Variants in NDC80 observed in about 807,000 individuals in gnomAD.
The protein encoded by NDC80 is NDC80 kinetochore complex component.
Under a neutral mutation model 89.3 loss-of-function variants are expected in NDC80, and 69 were observed. The ratio of observed to expected loss-of-function variants is 0.77; its 90% CI spans 0.64 to 0.94. NDC80 has a LOEUF of 0.94. NDC80 is among the 40% of genes least tolerant of loss of function. The pLI is 0.00. For missense variants in NDC80, 593 were observed against 739.6 expected (o/e 0.80, Z 2.30); for synonymous variants, 243 against 255.6 (o/e 0.95, Z 0.47).
At position 2,578,142 on chromosome 18, in the gene NDC80, G is replaced by T; in HGVS notation, c.476+1G>T. Reference sequence around the variant, plus strand: ...TTCCAAGAATCTTTAAAGACCTTGGGTATGTATATTTCTTATTAGTTTAGA... The same window carrying T: ...TTCCAAGAATCTTTAAAGACCTTGGTTATGTATATTTCTTATTAGTTTAGA... On this transcript the variant is annotated splice_donor_variant, in intron 5 of 16. Transcript: ENST00000261597. LOFTEE classifies it high-confidence loss of function. 1 of 1,612,314 alleles carries T rather than the reference G, an allele frequency of 6.2e-7. No individual in the cohort carries two copies. The highest frequency in any genetic ancestry group is 8.5e-7 in the Non-Finnish European group (1 of 1,179,160).
chr18:2,610,716 A>AT, intron 15 of NDC80, 43 bp from the exon 16 acceptor site: 1 of 1,395,020 alleles, frequency 7.2e-7, no homozygotes, highest in Non-Finnish European at 9.9e-7. Context: ...GGATGTATTA[A>AT]TTTTTTTCCT....
At chr18:2,613,289 A>G (rs2143673870) in intron 16 of NDC80, among the ~76,000 whole-genome samples, 1 of 152,374 alleles carries the variant, frequency 6.6e-6, no homozygotes, top group Non-Finnish European at 1.5e-5. Flanking sequence ...GCCAAGCCTA[A>G]AGTAGTTATT....
chr18:2,608,573 G>A, intron 14 of NDC80, 127 bp from the exon 15 acceptor site: 1 of 984,002 alleles, frequency 1.0e-6, no homozygotes, highest in Non-Finnish European at 1.4e-6. Flanking sequence ...AAAACAGTAA[G>A]CATCTTGAGA....
chr18:2,588,706 A>C (rs973326992), intron 8 of NDC80, among the ~76,000 whole-genome samples: 1 of 152,168 alleles, frequency 6.6e-6, no homozygotes, highest in African/African-American at 2.4e-5. Flanking sequence ...TCACATGGGA[A>C]AGGGAGCAAA....
chr18:2,607,430 T>C (rs184216562), intron 14 of NDC80, among the ~76,000 whole-genome samples: 1 of 152,148 alleles, frequency 6.6e-6, no homozygotes, highest in Admixed American at 6.5e-5. Flanking sequence ...TGGGAAAAAA[T>C]CTTAATTAAA....
chr18:2,591,671 T>C (rs1407336935), intron 10 of NDC80, among the ~76,000 whole-genome samples: 2 of 151,978 alleles, frequency 1.3e-5, no homozygotes, highest in African/African-American at 4.8e-5. Flanking sequence ...CCCTAATCAA[T>C]GTCCTTTGTT....
chr18:2,611,671 G>A (rs1433602564), intron 16 of NDC80, among the ~76,000 whole-genome samples: 1 of 152,028 alleles, frequency 6.6e-6, no homozygotes, highest in Non-Finnish European at 1.5e-5. Context: ...CCAACCTGCT[G>A]CACAGAGCCC....
intron 10 of NDC80, 58 bp downstream of exon 10, chr18:2,590,220 G>A: frequency 6.9e-7 from 1 of 1,456,258 alleles, no homozygotes; most frequent in Non-Finnish European, 9.2e-7. Context: ...TTTGTCACAT[G>A]TAAAAACAGC....
At position 2,595,399 on chromosome 18, in the gene NDC80, G is replaced by T. The variant is rs1233280483; in HGVS notation, c.1016-17G>T. 9 of 1,603,156 alleles carry T rather than the reference G, an allele frequency of 5.6e-6. No individual in the cohort carries two copies. Among genetic ancestry groups the T allele is most frequent in the Middle Eastern group, 1.9e-4 (1 of 5,210 alleles). On this transcript the variant is annotated splice_polypyrimidine_tract_variant and intron_variant, in intron 10 of 16. Transcript: ENST00000261597. ...GAATTGAAGATACATTAAAAATTTG[G>T]TTTTTTTCCAACACAGAACTAGAAT...
chr18:2,575,062 A>C lies in NDC80; in HGVS notation c.175A>C (p.Lys59Gln), dbSNP rs1250906981. The change falls in exon 3 of 17, where the codon AAA becomes CAA. Residue 59 changes from lysine (K) to glutamine (Q), a missense_variant. Lys to Gln is a moderately conservative substitution (Grantham distance 53). Transcript: ENST00000261597. ...TSERKVSLFG[K>Q]RTSGHGSRNS... ...TGAAAGAAAAGTCTCGCTATTTGGC[A>C]AAAGGTAATTATATTTTTCATTAGC... is the stretch of plus-strand genomic sequence containing the variant. 5 of 1,604,722 alleles carry C rather than the reference A, an allele frequency of 3.1e-6. No individual in the cohort carries two copies. The highest frequency in any genetic ancestry group is 4.3e-6 in the Non-Finnish European group (5 of 1,173,230).
At chr18:2,573,212 G>T in intron 2 of NDC80, 126 bp downstream of exon 2, 2 of 701,886 alleles carry the variant, frequency 2.8e-6, no homozygotes, top group Non-Finnish European at 2.2e-6. Flanking sequence ...GTTCCCAGGG[G>T]TACCTAATTT....
In NDC80 at chr18:2,595,488, T is replaced by C. The variant is rs1425696544; in HGVS notation, c.1088T>C (p.Val363Ala). The part of the protein sequence containing the change: ...QNIIDNQKYS[V>A]ADIERINHER... ...ATCATTGACAACCAGAAGTACTCAG[T>C]TGCAGACATTGAGCGAATAAATCAT... Residue 363 changes from valine (V) to alanine (A), a missense_variant, in exon 11 of 17, where the codon GTT becomes GCT. Transcript: ENST00000261597. 1.9e-6 allele frequency: 3 copies of C among 1,613,688 alleles called. No individual in the cohort carries two copies. The highest frequency in any genetic ancestry group is 2.5e-6 in the Non-Finnish European group (3 of 1,179,790).
rs60997707 is a variant in NDC80 at position 2,603,356 on chromosome 18, C to CATATATATATATATATAT, written c.1464+1877_1464+1894dup. Reference sequence around the variant, plus strand: ...AACAACAGAAGAGAATATGTTTATACATATATATATATATATATATATACA... The same window carrying CATATATATATATATATAT: ...AACAACAGAAGAGAATATGTTTATACATATATATATATATATATATATATATATATATATATATATACA... On this transcript the variant is annotated intron_variant, in intron 13 of 16. Transcript: ENST00000261597. Among the ~76,000 whole-genome samples the CATATATATATATATATAT allele has an allele frequency of 9.4e-3, 1,138 of 120,536 alleles. 24 individuals are homozygous for CATATATATATATATATAT. The highest frequency in any genetic ancestry group is 0.018 in the South Asian group (65 of 3,638). The allele number at this position is 120,536 out of a possible 152,430, so 79.1% of individuals were successfully genotyped here. A position where few individuals can be genotyped will look rare whatever the true frequency, so the allele number is the denominator to read the frequency against.
chr18:2,594,415 GA>G (rs1293302354), intron 10 of NDC80: 1 of 159,208 alleles, frequency 6.3e-6, no homozygotes. Flanking sequence ...AGCTTTTTCA[GA>G]AAAAAATCAA....
At chr18:2,580,302 C>G (rs766292578) in intron 6 of NDC80, among the ~76,000 whole-genome samples, 4 of 151,106 alleles carry the variant, frequency 2.6e-5, no homozygotes, top group Non-Finnish European at 5.9e-5. Flanking sequence ...ATTAGTTCCT[C>G]TCTATATGGT....
intron 13 of NDC80, among the ~76,000 whole-genome samples, chr18:2,605,274 A>ATATG (rs2072704766): frequency 7.9e-6 from 1 of 127,294 alleles, no homozygotes; most frequent in East Asian, 2.3e-4. Flanking sequence ...GGCTATATGT[A>ATATG]TGTGTGTGTG....
chr18:2,580,730 G>GTTTTTTTTTTTTTTTTTTTT (rs1567997102), intron 6 of NDC80, among the ~76,000 whole-genome samples: 1 of 48,118 alleles, frequency 2.1e-5, no homozygotes, highest in Admixed American at 3.5e-4. Flanking sequence ...CTCACCATCA[G>GTTTTTTTTTTTTTTTTTTTT]ATTTTTTTTT....
intron 6 of NDC80, chr18:2,582,763 C>T (rs954177747): frequency 5.3e-5 from 8 of 152,110 alleles, no homozygotes; most frequent in African/African-American, 1.9e-4. Flanking sequence ...TTCCTAATGA[C>T]CTCTATTTGT....
At chr18:2,606,574 T>C (rs2072712978) in intron 14 of NDC80, 67 bp downstream of exon 14, 7 of 984,812 alleles carry the variant, frequency 7.1e-6, no homozygotes, top group Admixed American at 2.4e-5. Context: ...ATGAGTCACA[T>C]ATTCTGACAT....
Sources: gnomAD v4.1 joint callset for allele counts (sites outside exome capture counted in the v4.1 genomes callset) on GRCh38, gnomAD v4.1.1 for gene constraint, MANE v1.5 for transcripts, NCBI Gene and HGNC (gene_info 2026-07-23, HGNC 2026-07-21) for gene names.